The following GRIK2 variants were observed in gnomAD, a reference collection of about 807,000 sequenced individuals.
The protein encoded by GRIK2 is glutamate ionotropic receptor kainate type subunit 2, also known as glutamate receptor ionotropic, kainate 2.
GRIK2 carries 32 observed loss-of-function variants against 100.3 expected under a neutral mutation model. The observed-to-expected ratio is 0.32, with a 90% CI of 0.24 to 0.43. The LOEUF is 0.43. GRIK2 is among the 20% of genes least tolerant of loss of function. GRIK2 has a pLI of 1.00. For synonymous variants in GRIK2, 417 were observed against 389.4 expected (o/e 1.07, Z -0.83); for missense variants, 843 against 1,114.9 (o/e 0.76, Z 3.47).
chr6:102,037,302 T>C (rs539538145), intron 15 of GRIK2, among the ~76,000 whole-genome samples: 31 of 151,322 alleles, frequency 2.0e-4, no homozygotes, highest in Non-Finnish European at 4.4e-4. Flanking sequence ...AATTGTCCAA[T>C]TTTATTTCCA....
intron 2 of GRIK2, among the ~76,000 whole-genome samples, chr6:101,530,278 T>C (rs945264044): frequency 2.6e-5 from 4 of 151,184 alleles, no homozygotes; most frequent in African/African-American, 4.9e-5. Flanking sequence ...TTAGTTTGAA[T>C]TGTAAAATTT....
intron 14 of GRIK2, among the ~76,000 whole-genome samples, chr6:101,943,921 GA>G (rs1791111243): frequency 6.6e-6 from 1 of 152,170 alleles, no homozygotes. Flanking sequence ...TTTGGGAGGG[GA>G]AAGGGTGGAA....
chr6:101,875,205 C>G (rs2128450446), intron 11 of GRIK2, among the ~76,000 whole-genome samples: 2 of 152,066 alleles, frequency 1.3e-5, no homozygotes, highest in Middle Eastern at 6.8e-3. Context: ...CTGAGTGTAA[C>G]AAGGATGAGT....
At chr6:101,600,443 C>T (rs1779156640) in intron 2 of GRIK2, among the ~76,000 whole-genome samples, 1 of 151,750 alleles carries the variant, frequency 6.6e-6, no homozygotes, top group African/African-American at 2.4e-5. Flanking sequence ...AAAAAAATGG[C>T]ATTGGTAGTT....
chr6:101,484,229 A>G (rs1377124040), intron 2 of GRIK2, among the ~76,000 whole-genome samples: 1 of 152,180 alleles, frequency 6.6e-6, no homozygotes, highest in Non-Finnish European at 1.5e-5. Flanking sequence ...TTCACCATCC[A>G]TATTTAATAG....
intron 12 of GRIK2, among the ~76,000 whole-genome samples, chr6:101,899,739 G>A (rs976492542): frequency 2.6e-5 from 4 of 152,102 alleles, no homozygotes; most frequent in African/African-American, 9.7e-5. Flanking sequence ...TGAAATTGTA[G>A]GTTTTGAATG....
chr6:101,719,138 G>GTTTTTTTTTTTTTTTTTTTTT (rs60301711), intron 7 of GRIK2, among the ~76,000 whole-genome samples: 1 of 101,166 alleles, frequency 9.9e-6, no homozygotes, highest in African/African-American at 5.0e-5. Flanking sequence ...GGCTGCAAGG[G>GTTTTTTTTTTTTTTTTTTTTT]TTTTTTTTTT....
intron 16 of GRIK2, among the ~76,000 whole-genome samples, chr6:102,057,629 G>T (rs1324730189): frequency 6.6e-6 from 1 of 151,884 alleles, no homozygotes; most frequent in Non-Finnish European, 1.5e-5. Context: ...ACTTCACAAT[G>T]CTTTGCACAC....
At chr6:101,637,329 C>A (rs1011992317) in intron 4 of GRIK2, among the ~76,000 whole-genome samples, 1 of 152,114 alleles carries the variant, frequency 6.6e-6, no homozygotes, top group African/African-American at 2.4e-5. Context: ...ATAGGTACAT[C>A]TAACGCAACA....
chr6:101,825,091 G>C (rs563515866), intron 10 of GRIK2, among the ~76,000 whole-genome samples: 1 of 152,104 alleles, frequency 6.6e-6, no homozygotes, highest in African/African-American at 2.4e-5. Context: ...ATAGCATTTG[G>C]GCTTGGAAAC....
chr6:101,527,893 C>A (rs928596171), intron 2 of GRIK2, among the ~76,000 whole-genome samples: 5 of 151,888 alleles, frequency 3.3e-5, no homozygotes, highest in African/African-American at 1.2e-4. Context: ...CCTTGTAGAC[C>A]AAGGAAAATA....
intron 2 of GRIK2, among the ~76,000 whole-genome samples, chr6:101,591,869 G>T (rs369314200): frequency 6.6e-6 from 1 of 151,956 alleles, no homozygotes; most frequent in African/African-American, 2.4e-5. Context: ...GATATGGTTT[G>T]GATGTGTGTC....
At chr6:101,839,396 A>G (rs1031425516) in intron 10 of GRIK2, among the ~76,000 whole-genome samples, 1 of 152,192 alleles carries the variant, frequency 6.6e-6, no homozygotes, top group African/African-American at 2.4e-5. Context: ...ATATATGAAT[A>G]ACTCTAAGTA....
chr6:101,490,645 A>G (rs955904130), intron 2 of GRIK2, among the ~76,000 whole-genome samples: 1 of 146,656 alleles, frequency 6.8e-6, no homozygotes, highest in Non-Finnish European at 1.5e-5. Flanking sequence ...GATAAAAGGT[A>G]TCGTTGTCTT....
chr6:101,808,974 TTAATAA>T (rs1257058251), intron 9 of GRIK2, among the ~76,000 whole-genome samples: 1 of 151,354 alleles, frequency 6.6e-6, no homozygotes, highest in Admixed American at 6.6e-5. Context: ...ATTTCTATAG[TTAATAA>T]TATAAATATA....
chr6:101,821,840 T>C (rs187342098), intron 10 of GRIK2, among the ~76,000 whole-genome samples: 6 of 152,206 alleles, frequency 3.9e-5, no homozygotes, highest in Non-Finnish European at 7.4e-5. Flanking sequence ...TTTGCCCTTT[T>C]CTCTTGAAAT....
rs117751066 is a variant in GRIK2, at chr6:101,977,744, G to A, written c.2085+49112G>A. ...TTAGTGGAAGACTTCTAAAACCTGC[G>A]TGCTTCATCTTCTCAGGCATCCCAC... is the stretch of plus-strand genomic sequence containing the variant. On this transcript the variant is annotated intron_variant, in intron 14 of 16. Coordinates refer to ENST00000369134, the MANE Select transcript of GRIK2 (RefSeq NM_021956.5). Among the ~76,000 whole-genome samples the A allele has an allele frequency of 5.4e-3, 827 of 151,970 alleles. 3 individuals carry two copies. The highest frequency in any genetic ancestry group is 8.6e-3 in the Non-Finnish European group (582 of 67,914).
chr6:101,743,165 G>T (rs1776156683), intron 7 of GRIK2, among the ~76,000 whole-genome samples: 1 of 152,230 alleles, frequency 6.6e-6, no homozygotes, highest in Middle Eastern at 3.4e-3. Flanking sequence ...CCAACTGGAG[G>T]GTTAGTGGTT....
At chr6:101,860,343 A>C (rs1054896783) in intron 11 of GRIK2, among the ~76,000 whole-genome samples, 1 of 152,204 alleles carries the variant, frequency 6.6e-6, no homozygotes, top group Admixed American at 6.5e-5. Flanking sequence ...CAAAAGGAAC[A>C]GGAATTTATG....
Sources: gnomAD v4.1 joint callset for allele counts (sites outside exome capture counted in the v4.1 genomes callset) on GRCh38, gnomAD v4.1.1 for gene constraint, MANE v1.5 for transcripts, NCBI Gene and HGNC (gene_info 2026-07-23, HGNC 2026-07-21) for gene names.